Variants in SLC6A2 observed in about 807,000 individuals in gnomAD.
SLC6A2 encodes solute carrier family 6 member 2.
Under a neutral mutation model 71.7 loss-of-function variants are expected in SLC6A2, and 26 were observed. The ratio of observed to expected loss-of-function variants is 0.36; its 90% CI spans 0.27 to 0.50. The LOEUF (loss-of-function observed/expected upper bound fraction) is 0.50, where lower values mean the gene tolerates loss of function less well. Ranked by LOEUF, SLC6A2 falls within the 20% of genes least tolerant of loss-of-function variation. The pLI, the probability that SLC6A2 is intolerant of heterozygous loss-of-function variation, is 0.96. For synonymous variants in SLC6A2, 363 were observed against 337.9 expected, an observed-to-expected ratio of 1.07 and a Z score of -0.82; for missense variants, 581 against 803.9, an observed-to-expected ratio of 0.72 and a Z score of 3.35.
At chr16:55,676,709 C>T (rs1358310637) in intron 4 of SLC6A2, among the ~76,000 whole-genome samples, 1 of 152,200 alleles carries the variant, frequency 6.6e-6, no homozygotes, top group East Asian at 1.9e-4. Flanking sequence ...GTATTCCAGC[C>T]ATAGTTCAAA....
intron 4 of SLC6A2, among the ~76,000 whole-genome samples, chr16:55,683,950 C>T (rs1172562543): frequency 1.3e-5 from 2 of 152,156 alleles, no homozygotes; most frequent in African/African-American, 4.8e-5. Flanking sequence ...GCTTTGACTT[C>T]TTTCTCTCAG....
chr16:55,668,968 T>C (rs1165233105), intron 2 of SLC6A2, among the ~76,000 whole-genome samples: 1 of 152,192 alleles, frequency 6.6e-6, no homozygotes, highest in African/African-American at 2.4e-5. Flanking sequence ...TGGGGGTACG[T>C]AATGACCCTG....
At position 55,703,785 on chromosome 16, in the gene SLC6A2, T is replaced by A; in HGVS notation, c.*1439T>A. 1 of 985,386 alleles carries A rather than the reference T, an allele frequency of 1.0e-6. No individual in the cohort carries two copies. Among genetic ancestry groups the A allele is most frequent in the East Asian group, 1.1e-4 (1 of 8,796 alleles). 61.0% of individuals were successfully genotyped at this position (985,386 alleles called of 1,614,324 possible). ...ATAAAGAAGCCGCTGCATTCGCACG[T>A]CAAGAAGGTGCTTTGCCTCAAATTG... On this transcript the variant is annotated 3_prime_UTR_variant, in exon 15 of 15. Transcript: ENST00000568943.
intron 4 of SLC6A2, 21 bp from the exon 5 acceptor site, chr16:55,685,122 C>G: frequency 6.2e-7 from 1 of 1,613,912 alleles, no homozygotes; most frequent in Non-Finnish European, 8.5e-7. Context: ...ACCCTGGTCC[C>G]CTCCCCTCTC....
chr16:55,685,231 G>A lies in SLC6A2; in HGVS notation c.733G>A (p.Val245Ile), dbSNP rs1805066. The change falls in exon 5 of 15, where the codon GTC becomes ATC. Residue 245 changes from valine (V) to isoleucine (I), a missense_variant. By Grantham distance (29) the Val-to-Ile change is conservative. This residue lies in a region of SLC6A2 where 87 missense variants were observed against 99.5 expected (regional missense o/e 0.87). Transcript: ENST00000568943. ...GCTCTTGCTCTGTCTGATGGTCGTC[G>A]TCATCGTCTTGTATTTTAGCCTCTG... ...WQLLLCLMVV[V>I]IVLYFSLWKG... 8.8e-3 allele frequency: 14,193 copies of A among 1,614,014 alleles called. 77 individuals carry two copies. Among genetic ancestry groups the A allele is most frequent in the Non-Finnish European group, 0.011 (12,658 of 1,179,866 alleles).
intron 6 of SLC6A2, among the ~76,000 whole-genome samples, chr16:55,693,631 T>G (rs1279409585): frequency 6.6e-6 from 1 of 152,250 alleles, no homozygotes; most frequent in African/African-American, 2.4e-5. Flanking sequence ...TGGTCCTCGC[T>G]TTCTGAAAAT....
In SLC6A2 at chr16:55,702,747, CAA is replaced by C. The variant is rs72297759; in HGVS notation, c.*414_*415del. 256 of 920,428 alleles carry C rather than the reference CAA, an allele frequency of 2.8e-4. 2 individuals carry two copies. In the African/African-American group the frequency reaches 5.1e-3, roughly 18 times the overall value. The allele number at this position is 920,428 out of a possible 1,614,324, so 57.0% of individuals were successfully genotyped here. A position where few individuals can be genotyped will look rare whatever the true frequency, so the allele number is the denominator to read the frequency against. On this transcript the variant is annotated 3_prime_UTR_variant, in exon 15 of 15. Transcript: ENST00000568943. ...TGGGCTTTTGATCAGATACCCCTCC[CAA>C]AAAAAAAAAAAACTAAAACTAAAGC...
intron 14 of SLC6A2, among the ~76,000 whole-genome samples, 165 bp from the exon 15 acceptor site, chr16:55,702,158 T>C (rs1201996580): frequency 3.9e-5 from 6 of 152,238 alleles, no homozygotes; most frequent in African/African-American, 1.4e-4. Flanking sequence ...CTGCCCTTTC[T>C]GGGCCTCTGT....
Position 55,703,888 on chromosome 16 carries a change from C to T in SLC6A2, c.*1542C>T. 1 of 854,020 alleles carries T rather than the reference C, an allele frequency of 1.2e-6. No individual in the cohort carries two copies. The highest frequency in any genetic ancestry group is 1.4e-6 in the Non-Finnish European group (1 of 710,270). 52.9% of individuals were successfully genotyped at this position (854,020 alleles called of 1,614,324 possible). On this transcript the variant is annotated 3_prime_UTR_variant, in exon 15 of 15. Coordinates refer to ENST00000568943, the MANE Select transcript of SLC6A2 (RefSeq NM_001172501.3). ...GGGTGGGGCAGGGAGATGGTTTTGT[C>T]TCCCAGGGTCCTGAGGTTTCCTTGC...
At chr16:55,691,110 A>G (rs1436650805) in intron 5 of SLC6A2, among the ~76,000 whole-genome samples, 1 of 151,736 alleles carries the variant, frequency 6.6e-6, no homozygotes. Flanking sequence ...GGGGGTAAAG[A>G]AAAAAAGGAA....
chr16:55,688,648 G>A (rs1208141508), intron 5 of SLC6A2, among the ~76,000 whole-genome samples: 1 of 152,188 alleles, frequency 6.6e-6, no homozygotes, highest in Non-Finnish European at 1.5e-5. Context: ...CTCTTTGAGA[G>A]AGTCTGATTC....
At chr16:55,694,374 G>A (rs1165056310) in intron 7 of SLC6A2, among the ~76,000 whole-genome samples, 1 of 152,180 alleles carries the variant, frequency 6.6e-6, no homozygotes, top group Non-Finnish European at 1.5e-5. Context: ...GAGATGGGTA[G>A]TTATGACAGA....
At position 55,671,924 on chromosome 16, in the gene SLC6A2, C is replaced by T. The variant is rs866438489; in HGVS notation, c.407-14C>T. Reference sequence around the variant, plus strand: ...GCCTGGGAGACTCCTACCTTACCCCCTGTCCCTGCCCAGGCGTTGGCTATG... The same window carrying T: ...GCCTGGGAGACTCCTACCTTACCCCTTGTCCCTGCCCAGGCGTTGGCTATG... On this transcript the variant is annotated splice_polypyrimidine_tract_variant and intron_variant, in intron 3 of 14. Transcript: ENST00000568943. 8 of 1,614,058 alleles carry T rather than the reference C, an allele frequency of 5.0e-6. No individual in the cohort carries two copies. The highest frequency in any genetic ancestry group is 5.1e-6 in the Non-Finnish European group (6 of 1,179,984).
Position 55,698,004 on chromosome 16 carries a change from C to A in SLC6A2, c.1368C>A (p.Leu456=), listed in dbSNP as rs140641227. ...GCGTCACCTTCAGCACTTTCCTTCT[C>A]GCCCTGTTCTGCATAACCAAGGTGA... ...TFGVTFSTFL[L]ALFCITKGGI... is the part of the protein sequence containing the mutation. Residue 456 remains leucine (L), a synonymous_variant, in exon 10 of 15, where the codon CTC becomes CTA. Coordinates refer to ENST00000568943, the MANE Select transcript of SLC6A2 (RefSeq NM_001172501.3). 1.2e-6 allele frequency: 2 copies of A among 1,614,044 alleles called. No homozygotes were observed. The highest frequency in any genetic ancestry group is 1.7e-6 in the Non-Finnish European group (2 of 1,180,030).
chr16:55,702,616 C>A lies in SLC6A2; in HGVS notation c.*270C>A, dbSNP rs1404732631. ...CCGCTGTTTTGGGGGAAGTCTCTCC[C>A]ACTTTGGGATCCTGCTGAAGCTAGG... On this transcript the variant is annotated 3_prime_UTR_variant, in exon 15 of 15. Transcript: ENST00000568943. 1.5e-4 allele frequency: 205 copies of A among 1,387,120 alleles called. No homozygotes were observed. Among genetic ancestry groups the A allele is most frequent in the Non-Finnish European group, 1.8e-4 (188 of 1,069,524 alleles). 85.9% of individuals were successfully genotyped at this position (1,387,120 alleles called of 1,614,324 possible).
At chr16:55,677,203 C>A (rs1965116458) in intron 4 of SLC6A2, among the ~76,000 whole-genome samples, 1 of 152,094 alleles carries the variant, frequency 6.6e-6, no homozygotes. Context: ...ATTCCCGAAC[C>A]ATCAGAGAGC....
At chr16:55,665,096 G>A (rs1490862095) in intron 2 of SLC6A2, among the ~76,000 whole-genome samples, 1 of 152,196 alleles carries the variant, frequency 6.6e-6, no homozygotes, top group Non-Finnish European at 1.5e-5. Flanking sequence ...TGGCTAGATT[G>A]AGCTGGGAGG....
chr16:55,689,337 A>C (rs1470152397), intron 5 of SLC6A2, among the ~76,000 whole-genome samples: 1 of 152,386 alleles, frequency 6.6e-6, no homozygotes, highest in African/African-American at 2.4e-5. Context: ...ACATGGGCAC[A>C]GACAAAACAA....
chr16:55,705,524 A>C lies in SLC6A2; in HGVS notation c.*3178A>C, dbSNP rs1966082715. The C allele has an allele frequency of 5.0e-6, 2 of 402,572 alleles. No individual in the cohort carries two copies. Among genetic ancestry groups the C allele is most frequent in the Non-Finnish European group, 4.4e-6 (1 of 227,290 alleles). 24.9% of individuals were successfully genotyped at this position (402,572 alleles called of 1,614,324 possible). ...AAAAGCACAGCATATAGTTTTACAG[A>C]CTTGGGTCTGCAGCTGACTAGCTGG... On this transcript the variant is annotated 3_prime_UTR_variant, in exon 15 of 15. Transcript: ENST00000568943.
Sources: gnomAD v4.1 joint callset for allele counts (sites outside exome capture counted in the v4.1 genomes callset) on GRCh38, gnomAD v4.1.1 for gene constraint, gnomAD v4.1.1 regional missense constraint, MANE v1.5 for transcripts, NCBI Gene and HGNC (gene_info 2026-07-23, HGNC 2026-07-21) for gene names.